The following PIGF variants were observed in gnomAD, a reference collection of about 807,000 sequenced individuals.
PIGF encodes GPI ethanolamine phosphate transferase, stabilizing subunit.
In PIGF, 23 loss-of-function variants were observed where a neutral mutation model predicts 26.0. That is an observed-to-expected ratio of 0.88 (90% confidence interval 0.64 to 1.25). The LOEUF (loss-of-function observed/expected upper bound fraction) is 1.25, where lower values mean the gene tolerates loss of function less well. Among genes scored for constraint, PIGF ranks in the 50% most tolerant of loss-of-function variants. The pLI is 0.00. For missense variants in PIGF, 278 were observed against 249.9 expected, an observed-to-expected ratio of 1.11 and a Z score of -0.76; for synonymous variants, 93 against 92.6, an observed-to-expected ratio of 1.00 and a Z score of -0.03.
intron 4 of PIGF, among the ~76,000 whole-genome samples, chr2:46,593,929 A>T (rs3768723): frequency 0.23 from 35,322 of 152,130 alleles, 4,937 homozygotes; most frequent in African/African-American, 0.4. Flanking sequence ...CCTCCATCTC[A>T]TACTCCCCAA....
intron 2 of PIGF, 40 bp downstream of exon 2, chr2:46,614,897 A>G (rs1308553831): frequency 2.2e-6 from 2 of 909,130 alleles, no homozygotes; most frequent in Admixed American, 1.9e-5. Flanking sequence ...AAGAAACACT[A>G]GCTCCATCCA....
intron 4 of PIGF, among the ~76,000 whole-genome samples, 167 bp downstream of exon 4, chr2:46,612,061 G>T (rs1670437950): frequency 6.6e-6 from 1 of 151,504 alleles, no homozygotes; most frequent in African/African-American, 2.4e-5. Flanking sequence ...TTGTAGTTCT[G>T]CCTGCCCTGT....
At chr2:46,614,827 C>A (rs1168374199) in intron 2 of PIGF, 110 bp downstream of exon 2, 5 of 607,444 alleles carry the variant, frequency 8.2e-6, no homozygotes, top group Non-Finnish European at 1.5e-5. Context: ...ATATCAGGTT[C>A]CCTTTGCTCA....
rs887151568 is a variant in PIGF, at chr2:46,589,788, T to C, written c.546+2687A>G. Among the ~76,000 whole-genome samples, 3 of 151,974 alleles carry C rather than the reference T, an allele frequency of 2.0e-5. No individual in the cohort carries two copies. The highest frequency in any genetic ancestry group is 4.8e-5 in the African/African-American group (2 of 41,416). Reference sequence around the variant, plus strand: ...TCCCTTATCTGATTTATTGCTTCTCTGGGAGATGCTGTTCTGTGGAGTTAG... The same window carrying C: ...TCCCTTATCTGATTTATTGCTTCTCCGGGAGATGCTGTTCTGTGGAGTTAG... On this transcript the variant is annotated intron_variant, in intron 5 of 5. Transcript: ENST00000281382. This position sits in a 1 kb window ranked among gnomAD's most constrained non-coding sequence, Gnocchi z 4.7.
chr2:46,612,201 T>G (rs1670441692), intron 4 of PIGF, 27 bp downstream of exon 4: 1 of 660,170 alleles, frequency 1.5e-6, no homozygotes, highest in African/African-American at 1.9e-5. Context: ...AATTTCAATA[T>G]CATTATAATA....
At chr2:46,585,640 TACAC>T (rs1451798342) in intron 5 of PIGF, among the ~76,000 whole-genome samples, 1 of 152,190 alleles carries the variant, frequency 6.6e-6, no homozygotes, top group South Asian at 2.1e-4. Flanking sequence ...AAATTAAACT[TACAC>T]AAACAGTATT....
chr2:46,601,049 A>T (rs1303189058), intron 4 of PIGF, among the ~76,000 whole-genome samples: 1 of 152,104 alleles, frequency 6.6e-6, no homozygotes, highest in Non-Finnish European at 1.5e-5. Context: ...ATTTATATAC[A>T]TTATTTTGTA....
At chr2:46,608,813 A>C (rs559736059) in intron 4 of PIGF, among the ~76,000 whole-genome samples, 1 of 152,284 alleles carries the variant, frequency 6.6e-6, no homozygotes, top group Non-Finnish European at 1.5e-5. Flanking sequence ...AGTGAGCTTA[A>C]AATATTCAGT....
intron 4 of PIGF, among the ~76,000 whole-genome samples, chr2:46,604,723 G>A (rs985738612): frequency 6.6e-6 from 1 of 151,828 alleles, no homozygotes; most frequent in Admixed American, 6.6e-5. Context: ...GGGTAGTAGT[G>A]GGGGTGGGGG....
intron 4 of PIGF, among the ~76,000 whole-genome samples, chr2:46,594,776 C>T (rs1304115637): frequency 1.3e-5 from 2 of 150,144 alleles, no homozygotes; most frequent in African/African-American, 2.5e-5. Context: ...CCTTGTGATC[C>T]GCCGGCCTCA....
At chr2:46,594,546 T>G (rs1204347162) in intron 4 of PIGF, among the ~76,000 whole-genome samples, 1 of 151,888 alleles carries the variant, frequency 6.6e-6, no homozygotes, top group African/African-American at 2.4e-5. Context: ...ATTTTTTTTT[T>G]TTTTTTGAGA....
At chr2:46,608,763 T>C (rs920022299) in intron 4 of PIGF, among the ~76,000 whole-genome samples, 1 of 152,178 alleles carries the variant, frequency 6.6e-6, no homozygotes, top group African/African-American at 2.4e-5. Flanking sequence ...AGCAGCAATA[T>C]TTTGAAAGGA....
At chr2:46,603,605 G>A (rs936127512) in intron 4 of PIGF, among the ~76,000 whole-genome samples, 67 of 152,154 alleles carry the variant, frequency 4.4e-4, no homozygotes, top group Non-Finnish European at 6.3e-4. Context: ...ATACACCGGG[G>A]AAAGAGCAGT....
chr2:46,610,998 C>G (rs972728713), intron 4 of PIGF, among the ~76,000 whole-genome samples: 52 of 152,346 alleles, frequency 3.4e-4, no homozygotes, highest in Admixed American at 2.6e-3. Flanking sequence ...GTGCCTTTCT[C>G]TTCCTTCTTG....
At chr2:46,603,004 T>C (rs1670107536) in intron 4 of PIGF, among the ~76,000 whole-genome samples, 1 of 152,026 alleles carries the variant, frequency 6.6e-6, no homozygotes, top group Non-Finnish European at 1.5e-5. Context: ...GATAAACAAA[T>C]TGAATAAAGT....
intron 4 of PIGF, among the ~76,000 whole-genome samples, chr2:46,592,919 T>C (rs191225074): frequency 1.5e-4 from 23 of 152,306 alleles, no homozygotes; most frequent in African/African-American, 5.3e-4. Flanking sequence ...TACATATTCT[T>C]CCAGAAATAT....
At chr2:46,604,241 G>C (rs780563167) in intron 4 of PIGF, among the ~76,000 whole-genome samples, 1 of 151,966 alleles carries the variant, frequency 6.6e-6, no homozygotes, top group Non-Finnish European at 1.5e-5. Context: ...TGTGGAGAAA[G>C]GGAACTCTCA....
chr2:46,604,020 A>C (rs890941056), intron 4 of PIGF, among the ~76,000 whole-genome samples: 10 of 151,980 alleles, frequency 6.6e-5, no homozygotes, highest in East Asian at 1.9e-4. Context: ...GGGAAAAAAA[A>C]CCCCTAATAA....
chr2:46,597,071 G>A (rs1435592872), intron 4 of PIGF, among the ~76,000 whole-genome samples: 3 of 151,968 alleles, frequency 2.0e-5, no homozygotes, highest in Non-Finnish European at 4.4e-5. Context: ...TCTTCTCCCC[G>A]CTCCTTCCAT....
Sources: allele counts gnomAD v4.1 joint callset (sites outside exome capture counted in the v4.1 genomes callset), GRCh38; gene constraint gnomAD v4.1.1; non-coding constraint Gnocchi (gnomAD v3.1); transcripts MANE v1.5; gene names NCBI Gene and HGNC (gene_info 2026-07-23, HGNC 2026-07-21).